Variants in S100A5 observed in about 807,000 individuals in gnomAD.
The protein encoded by S100A5 is protein S100-A5.
In S100A5, 5 loss-of-function variants were observed where a neutral mutation model predicts 6.7. That is an observed-to-expected ratio of 0.75 (90% CI 0.39 to 1.57). The LOEUF (loss-of-function observed/expected upper bound fraction) is 1.57. Among genes scored for constraint, S100A5 ranks in the 40% most tolerant of loss-of-function variants. The pLI is 0.03. For missense variants in S100A5, 129 were observed against 110.8 expected, an observed-to-expected ratio of 1.16 and a Z score of -0.74; for synonymous variants, 49 against 44.9, an observed-to-expected ratio of 1.09 and a Z score of -0.37.
upstream of S100A5, among the ~76,000 whole-genome samples, chr1:153,541,055 C>A (rs1051887157): frequency 4.6e-5 from 7 of 152,170 alleles, no homozygotes; most frequent in Non-Finnish European, 1.5e-5. Context: ...AGCCCAAAGC[C>A]CTCCCTGCCA....
chr1:153,540,186 C>T lies in S100A5; in HGVS notation c.6G>A (p.Glu2=). Residue 2 remains glutamate (E), a synonymous_variant, in exon 2 of 3, where the codon GAG becomes GAA. Transcript: ENST00000368717. M[E]TPLEKALTTM... is the part of the protein sequence containing the mutation. ...TGGTCAGGGCCTTCTCCAGAGGAGT[C>T]TCCATCACAGTGTGCAGCTCTGTAG... 6.2e-7 allele frequency: 1 copy of T among 1,614,174 alleles called. No individual in the cohort carries two copies. The highest frequency in any genetic ancestry group is 1.1e-5 in the South Asian group (1 of 91,086).
rs1229205595 is a variant in S100A5, at chr1:153,537,449, C to A, written c.139-13G>T. On this transcript the variant is annotated splice_polypyrimidine_tract_variant and intron_variant, in intron 2 of 2. Transcript: ENST00000368717. ...TGCTCTCCTTCATCTTTTGTGGACC[C>A]AGGTGGAGAGACAGCTCAGACCCCG... is the stretch of plus-strand genomic sequence containing the variant. The A allele has an allele frequency of 5.0e-6, 8 of 1,613,676 alleles. No homozygotes were observed. The African/African-American group carries it at 8.0e-5, about 16-fold the overall frequency.
rs1204843802 is a variant in S100A5 at position 153,540,182 on chromosome 1, G to A, written c.10C>T (p.Pro4Ser). The change falls in exon 2 of 3, where the codon CCT becomes TCT. Residue 4 changes from proline (P) to serine (S), a missense_variant. Transcript: ENST00000368717. METPLEKALTTMVT... is the reference protein window; with the variant it reads METSLEKALTTMVT... ...ATAGTGGTCAGGGCCTTCTCCAGAG[G>A]AGTCTCCATCACAGTGTGCAGCTCT... 1 of 1,614,156 alleles carries A rather than the reference G, an allele frequency of 6.2e-7. No individual in the cohort carries two copies.
At chr1:153,539,424 CAAAAAAA>C (rs149327889) in intron 2 of S100A5, among the ~76,000 whole-genome samples, 107 of 35,002 alleles carry the variant, frequency 3.1e-3, no homozygotes, top group African/African-American at 6.0e-3. Context: ...GAGACTCTCT[CAAAAAAA>C]AAAAAAAAAA....
chr1:153,541,642 C>T, upstream of S100A5: 1 of 1,160,160 alleles, frequency 8.6e-7, no homozygotes, highest in South Asian at 1.7e-5. Context: ...CACACACGTC[C>T]CCAATCCCAG....
chr1:153,543,685 G>T, upstream of S100A5: 1 of 1,448,120 alleles, frequency 6.9e-7, no homozygotes, highest in Non-Finnish European at 9.5e-7. Context: ...GAGCCAGGGT[G>T]GAAAAAAAAA....
upstream of S100A5, chr1:153,541,917 G>A: frequency 2.0e-6 from 2 of 984,804 alleles, no homozygotes; most frequent in Non-Finnish European, 1.2e-6. Flanking sequence ...TATGGTCAAG[G>A]TCATGAGCTA....
upstream of S100A5, chr1:153,541,427 C>A (rs765877971): frequency 1.5e-6 from 2 of 1,367,726 alleles, no homozygotes; most frequent in Admixed American, 1.9e-5. Context: ...GCAGGCATAG[C>A]CTCCCTCTCA....
Position 153,537,219 on chromosome 1 carries a change from G to A in S100A5, c.*77C>T. ...ATCTGGGAGGGAGAGGAGGGCAGGGGGCCAAAGAGGGTCTGTGAGAGGAGC... is the reference window on the plus strand; with the variant it reads ...ATCTGGGAGGGAGAGGAGGGCAGGGAGCCAAAGAGGGTCTGTGAGAGGAGC... On this transcript the variant is annotated 3_prime_UTR_variant, in exon 3 of 3. Transcript: ENST00000368717. 2 of 1,529,086 alleles carry A rather than the reference G, an allele frequency of 1.3e-6. No individual in the cohort carries two copies. The highest frequency in any genetic ancestry group is 1.2e-5 in the South Asian group (1 of 84,930). 94.7% of individuals were successfully genotyped at this position (1,529,086 alleles called of 1,614,324 possible).
chr1:153,543,572 C>T, upstream of S100A5: 1 of 643,180 alleles, frequency 1.6e-6, no homozygotes, highest in Non-Finnish European at 2.7e-6. Flanking sequence ...CACAACATAT[C>T]CCTCAGTCCC....
chr1:153,537,722 A>G (rs1457599046), intron 2 of S100A5, among the ~76,000 whole-genome samples: 1 of 152,130 alleles, frequency 6.6e-6, no homozygotes, highest in African/African-American at 2.4e-5. Flanking sequence ...CAAAGAAACA[A>G]TCATCTAGGT....
chr1:153,543,335 G>A (rs1454992138), upstream of S100A5: 6 of 975,314 alleles, frequency 6.2e-6, no homozygotes, highest in Non-Finnish European at 7.3e-6. Context: ...AGGCAAGGTT[G>A]GAGAGAGGTG....
At chr1:153,539,906 C>G (rs910292124) in intron 2 of S100A5, 148 bp downstream of exon 2, 41 of 921,872 alleles carry the variant, frequency 4.4e-5, no homozygotes, top group Non-Finnish European at 5.9e-5. Context: ...TTTGCTGGCC[C>G]GAAATCCCCA....
chr1:153,538,350 A>G (rs1336948936), intron 2 of S100A5, among the ~76,000 whole-genome samples: 1 of 152,230 alleles, frequency 6.6e-6, no homozygotes, highest in Non-Finnish European at 1.5e-5. Flanking sequence ...ATAGACAAGC[A>G]GATCCTGATG....
chr1:153,541,729 C>T, upstream of S100A5: 1 of 1,142,242 alleles, frequency 8.8e-7, no homozygotes, highest in Non-Finnish European at 1.1e-6. Context: ...GAAGGGAAAC[C>T]AGGCTGTCCT....
At chr1:153,542,644 T>C (rs1810765), upstream of S100A5, among the ~76,000 whole-genome samples, 32,596 of 152,054 alleles carry the variant, frequency 0.21, 7,895 homozygotes, top group African/African-American at 0.6. Context: ...CTGACCTCCA[T>C]GCACCTCTTC....
upstream of S100A5, chr1:153,541,476 G>T: frequency 1.5e-6 from 2 of 1,366,602 alleles, no homozygotes; most frequent in Non-Finnish European, 2.0e-6. Flanking sequence ...CTGTCCCTAG[G>T]AATCCAGGGG....
chr1:153,537,962 G>A (rs750802900), intron 2 of S100A5, among the ~76,000 whole-genome samples: 10 of 151,908 alleles, frequency 6.6e-5, no homozygotes, highest in African/African-American at 1.9e-4. Context: ...CAGGAGAATC[G>A]CTTGAACTTG....
upstream of S100A5, chr1:153,541,915 A>C (rs1390020701): frequency 1.0e-6 from 1 of 1,002,646 alleles, no homozygotes; most frequent in Non-Finnish European, 1.2e-6. Flanking sequence ...GATATGGTCA[A>C]GGTCATGAGC....
Sources: allele counts gnomAD v4.1 joint callset (sites outside exome capture counted in the v4.1 genomes callset), GRCh38; gene constraint gnomAD v4.1.1; transcripts MANE v1.5; gene names NCBI Gene and HGNC (gene_info 2026-07-23, HGNC 2026-07-21).